The following UNC80 variants were observed in gnomAD, a reference collection of about 807,000 sequenced individuals.
UNC80 encodes unc-80 subunit of NALCN channel complex, also known as protein unc-80 homolog.
In UNC80, 164 loss-of-function variants were observed where a neutral mutation model predicts 384.6. That is an observed-to-expected ratio of 0.43 (90% CI 0.38 to 0.49). The LOEUF is 0.49. UNC80 is among the 20% of genes least tolerant of loss of function. UNC80 has a pLI of 0.00. For synonymous variants in UNC80, 1,486 were observed against 1,527.8 expected, an observed-to-expected ratio of 0.97 and a Z score of 0.64; for missense variants, 3,330 against 4,143.0, an observed-to-expected ratio of 0.80 and a Z score of 5.39.
chr2:209,869,676 C>A (rs543356737), intron 22 of UNC80, among the ~76,000 whole-genome samples: 53 of 152,250 alleles, frequency 3.5e-4, no homozygotes, highest in African/African-American at 1.2e-3. Flanking sequence ...TTGATGGAAA[C>A]AGTGACATTT....
chr2:209,793,398 T>C (rs939764334), intron 6 of UNC80, among the ~76,000 whole-genome samples: 1 of 152,234 alleles, frequency 6.6e-6, no homozygotes, highest in Non-Finnish European at 1.5e-5. Flanking sequence ...CTCTGTATGA[T>C]GAATTCTTGA....
intron 8 of UNC80, 130 bp from the exon 9 acceptor site, chr2:209,815,127 G>C (rs2079637521): frequency 1.2e-6 from 1 of 821,166 alleles, no homozygotes. Flanking sequence ...CAGAAGTCCA[G>C]ACATACAAGT....
chr2:209,947,700 G>A (rs1031881172), intron 47 of UNC80, among the ~76,000 whole-genome samples: 9 of 152,050 alleles, frequency 5.9e-5, no homozygotes, highest in African/African-American at 1.9e-4. Context: ...ATTTGTAACA[G>A]CAAGTCTCTG....
At chr2:209,809,541 C>T (rs570271543) in intron 7 of UNC80, 24 of 989,478 alleles carry the variant, frequency 2.4e-5, no homozygotes, top group Non-Finnish European at 3.5e-5. Flanking sequence ...CCCTGCTCCA[C>T]AAGCACCAAG....
chr2:209,844,567 C>CTTCT lies in UNC80; in HGVS notation c.3454+2137_3454+2140dup, dbSNP rs754286821. Among the ~76,000 whole-genome samples, 38 of 132,762 alleles carry CTTCT rather than the reference C, an allele frequency of 2.9e-4. 1 individual carries two copies. In the Middle Eastern group the frequency reaches 0.025, roughly 86 times the overall value. 87.1% of individuals were successfully genotyped at this position (132,762 alleles called of 152,430 possible). On this transcript the variant is annotated intron_variant, in intron 21 of 64. Coordinates refer to ENST00000673920, the MANE Select transcript of UNC80 (RefSeq NM_001371986.1). ...TCCTTCCTTTTTCTTTCCAAATCTC[C>CTTCT]TTCTTTCTTTCTTTCTTTCCTTTCT...
chr2:209,793,584 C>T (rs1160871572), intron 6 of UNC80, 136 bp from the exon 7 acceptor site: 13 of 981,062 alleles, frequency 1.3e-5, no homozygotes, highest in Non-Finnish European at 1.7e-5. Context: ...CCCATAATAT[C>T]ATAATTAACT....
Position 209,976,796 on chromosome 2 carries a change from T to G in UNC80, c.8773-117T>G, listed in dbSNP as rs932461371. The G allele has an allele frequency of 3.4e-6, 4 of 1,193,884 alleles. No individual in the cohort carries two copies. Among genetic ancestry groups the G allele is most frequent in the Non-Finnish European group, 4.6e-6 (4 of 872,980 alleles). The allele number at this position is 1,193,884 out of a possible 1,614,324, so 74.0% of individuals were successfully genotyped here. On this transcript the variant is annotated intron_variant, in intron 57 of 64. Transcript: ENST00000673920. The surrounding 1 kb of genome is among the most constrained non-coding windows in gnomAD (Gnocchi z 4.3). ...GCACTTCCTGTGTAAAGTGCCGTTC[T>G]AGGAACATCACATGCATTACCTTAT...
intron 15 of UNC80, among the ~76,000 whole-genome samples, chr2:209,830,559 C>T (rs1423793967): frequency 6.6e-6 from 1 of 152,082 alleles, no homozygotes; most frequent in Non-Finnish European, 1.5e-5. Flanking sequence ...TGATAAATTC[C>T]TCCTGCGTTG....
At chr2:209,806,477 T>G (rs1033861808) in intron 7 of UNC80, among the ~76,000 whole-genome samples, 1 of 152,224 alleles carries the variant, frequency 6.6e-6, no homozygotes, top group African/African-American at 2.4e-5. Context: ...CCCACATGTG[T>G]TAATTAGACA....
intron 23 of UNC80, among the ~76,000 whole-genome samples, chr2:209,877,501 AT>A (rs1398826111): frequency 6.6e-6 from 1 of 152,190 alleles, no homozygotes; most frequent in Admixed American, 6.5e-5. Context: ...CAGCAACAGA[AT>A]TCTTGCCAAC....
intron 25 of UNC80, among the ~76,000 whole-genome samples, chr2:209,887,272 C>T (rs985243427): frequency 6.6e-6 from 1 of 152,162 alleles, no homozygotes; most frequent in Admixed American, 6.5e-5. Flanking sequence ...CTGCCGACTT[C>T]AGGTGTTCTG....
intron 6 of UNC80, 94 bp from the exon 7 acceptor site, chr2:209,793,626 G>A (rs1414220115): frequency 6.9e-7 from 1 of 1,453,064 alleles, no homozygotes; most frequent in African/African-American, 1.4e-5. Flanking sequence ...ATGGAACCAT[G>A]TTGTAATATG....
intron 15 of UNC80, among the ~76,000 whole-genome samples, chr2:209,830,883 C>T (rs1408148988): frequency 1.3e-5 from 2 of 152,194 alleles, no homozygotes; most frequent in African/African-American, 2.4e-5. Context: ...GAGAACTCTG[C>T]AGTTCTTGGC....
At chr2:209,898,682 C>A (rs1251408676) in intron 28 of UNC80, among the ~76,000 whole-genome samples, 2 of 152,086 alleles carry the variant, frequency 1.3e-5, no homozygotes, top group African/African-American at 2.4e-5. Flanking sequence ...ACTATAGTCA[C>A]CCTATTGTGC....
rs879335469 is a variant in UNC80 at position 209,831,092 on chromosome 2, CT to C, written c.2627-340del. On this transcript the variant is annotated intron_variant, in intron 15 of 64. Coordinates refer to ENST00000673920, the MANE Select transcript of UNC80 (RefSeq NM_001371986.1). ...TCTCCATTGAGGGGTTATTTAGGAG[CT>C]TTTTTTTTTTCTTTTTTTTTCTGTA... Among the ~76,000 whole-genome samples the C allele has an allele frequency of 1.1e-3, 162 of 146,118 alleles. 3 individuals carry two copies. The highest frequency in any genetic ancestry group is 3.5e-3 in the Middle Eastern group (1 of 282).
chr2:209,847,471 T>TA (rs201312976), intron 21 of UNC80, among the ~76,000 whole-genome samples: 2,029 of 152,114 alleles, frequency 0.013, 47 homozygotes, highest in African/African-American at 0.044. Flanking sequence ...ACATGATTCT[T>TA]ACGTCCTGTG....
At chr2:209,796,020 T>C (rs1049238164) in intron 7 of UNC80, 7 of 152,432 alleles carry the variant, frequency 4.6e-5, no homozygotes, top group Admixed American at 6.5e-5. Flanking sequence ...GCTTGGATCA[T>C]GCACCTGGAA....
In UNC80 at chr2:209,977,611, A is replaced by G. The variant is rs574942667; in HGVS notation, c.8938+533A>G. ...CTGTCACATAGAAAGTGATTATTGT[A>G]AGGGGATTTTTCAGCCAGATCTCTG... is the stretch of plus-strand genomic sequence containing the variant. On this transcript the variant is annotated intron_variant, in intron 58 of 64. Transcript: ENST00000673920. Among the ~76,000 whole-genome samples, 7 of 152,346 alleles carry G rather than the reference A, an allele frequency of 4.6e-5. No homozygotes were observed. In the South Asian group the frequency reaches 1.4e-3, roughly 32 times the overall value.
chr2:209,786,980 CATATATATATATAT>C (rs60467878), intron 5 of UNC80, among the ~76,000 whole-genome samples: 57,785 of 135,728 alleles, frequency 0.43, 13,150 homozygotes, highest in Middle Eastern at 0.52. Flanking sequence ...TCTACAGAAG[CATATATATATATAT>C]ATATATATAT....
Sources: allele counts gnomAD v4.1 joint callset (sites outside exome capture counted in the v4.1 genomes callset), GRCh38; gene constraint gnomAD v4.1.1; non-coding constraint Gnocchi (gnomAD v3.1); transcripts MANE v1.5; gene names NCBI Gene and HGNC (gene_info 2026-07-23, HGNC 2026-07-21).